CFAP210: variants seen among roughly 807,000 people sequenced by gnomAD.
CFAP210 encodes the protein cilia and flagella associated protein 210.
At chr2:169,664,815 G>A in the CFAP210 span, among the ~76,000 whole-genome samples, 6 of 152,162 alleles carry the variant, frequency 3.9e-5, no homozygotes, top group African/African-American at 1.4e-4. Flanking sequence ...TCAGCTCCTT[G>A]CTATCCTTGA....
chr2:169,684,648 C>CGTT, the CFAP210 span, among the ~76,000 whole-genome samples: 17,058 of 151,490 alleles, frequency 0.11, 1,145 homozygotes, highest in Middle Eastern at 0.2. Context: ...GATTCCTTTT[C>CGTT]GTTGTTGTTG....
At chr2:169,665,727 C>T in the CFAP210 span, among the ~76,000 whole-genome samples, 1 of 152,120 alleles carries the variant, frequency 6.6e-6, no homozygotes, top group African/African-American at 2.4e-5. Flanking sequence ...GGGCTTTGTG[C>T]AGTACTGATA....
At chr2:169,649,559 AG>A in the CFAP210 span, among the ~76,000 whole-genome samples, 4 of 152,212 alleles carry the variant, frequency 2.6e-5, no homozygotes, top group African/African-American at 7.2e-5. Flanking sequence ...CAAGTGCTAT[AG>A]GACAATCCTT....
At chr2:169,676,109 A>G in the CFAP210 span, among the ~76,000 whole-genome samples, 1 of 152,238 alleles carries the variant, frequency 6.6e-6, no homozygotes, top group African/African-American at 2.4e-5. Context: ...TTATCCCAGT[A>G]TCAGTTGTTG....
the CFAP210 span, chr2:169,649,375 T>A: frequency 6.3e-7 from 1 of 1,584,486 alleles, no homozygotes; most frequent in Non-Finnish European, 8.6e-7. Flanking sequence ...AGGAAACATA[T>A]AAAACCAGTT....
chr2:169,672,370 G>T, the CFAP210 span, among the ~76,000 whole-genome samples: 39 of 152,302 alleles, frequency 2.6e-4, no homozygotes, highest in Non-Finnish European at 3.1e-4. Flanking sequence ...GTGTGTATGT[G>T]TGAGTTTATT....
chr2:169,673,268 A>G, the CFAP210 span, among the ~76,000 whole-genome samples: 8 of 152,232 alleles, frequency 5.3e-5, no homozygotes, highest in East Asian at 1.5e-3. Flanking sequence ...GAGGATAGAC[A>G]GCCTGTGAAG....
At chr2:169,691,573 G>A in the CFAP210 span, among the ~76,000 whole-genome samples, 1 of 152,028 alleles carries the variant, frequency 6.6e-6, no homozygotes, top group Non-Finnish European at 1.5e-5. Context: ...AGCACAAAAT[G>A]GCCAGACTTC....
the CFAP210 span, among the ~76,000 whole-genome samples, chr2:169,656,387 A>AAGAGGAGGAGGATGAAGT: frequency 1.3e-5 from 2 of 149,526 alleles, no homozygotes; most frequent in South Asian, 2.1e-4. Context: ...AAAGAGGAGG[A>AAGAGGAGGAGGATGAAGT]AGAGGAGGAG....
the CFAP210 span, among the ~76,000 whole-genome samples, chr2:169,677,926 A>G: frequency 6.6e-6 from 1 of 152,244 alleles, no homozygotes; most frequent in Non-Finnish European, 1.5e-5. Context: ...TAACAATAGC[A>G]GATTGAAACT....
chr2:169,678,839 T>A, the CFAP210 span, among the ~76,000 whole-genome samples: 61,641 of 151,070 alleles, frequency 0.41, 12,818 homozygotes, highest in Non-Finnish European at 0.44. Flanking sequence ...AAAATAAAAA[T>A]AAAATAAAAA....
At chr2:169,693,602 C>G in the CFAP210 span, among the ~76,000 whole-genome samples, 1 of 152,200 alleles carries the variant, frequency 6.6e-6, no homozygotes, top group Admixed American at 6.5e-5. Flanking sequence ...AATTTACAGA[C>G]GTAAGAAACT....
At chr2:169,652,841 A>C in the CFAP210 span, among the ~76,000 whole-genome samples, 667 of 142,224 alleles carry the variant, frequency 4.7e-3, 8 homozygotes, top group African/African-American at 0.016. Flanking sequence ...TAAAAATTAC[A>C]AAAAAAAAAC....
the CFAP210 span, among the ~76,000 whole-genome samples, chr2:169,667,214 CTG>C: frequency 7.3e-4 from 111 of 151,222 alleles, no homozygotes; most frequent in Non-Finnish European, 1.2e-3. Flanking sequence ...TCTCGGCTCA[CTG>C]CAACCTCTGC....
At chr2:169,675,279 T>C in the CFAP210 span, among the ~76,000 whole-genome samples, 1 of 152,204 alleles carries the variant, frequency 6.6e-6, no homozygotes, top group African/African-American at 2.4e-5. Context: ...ACTTCTCCTT[T>C]TGTATTAATC....
chr2:169,660,937 G>A, the CFAP210 span: 5 of 463,732 alleles, frequency 1.1e-5, no homozygotes, highest in East Asian at 1.1e-4. Flanking sequence ...ACAACTCAAT[G>A]TTCTTCTATA....
the CFAP210 span, among the ~76,000 whole-genome samples, chr2:169,654,616 T>C: frequency 1.3e-5 from 2 of 152,174 alleles, no homozygotes; most frequent in Admixed American, 1.3e-4. Context: ...TTATAATGTA[T>C]AAATGACTGG....
chr2:169,667,135 C>CTTTTTTTTTTTTTTTTT, the CFAP210 span, among the ~76,000 whole-genome samples: 3 of 120,284 alleles, frequency 2.5e-5, 1 homozygote. Flanking sequence ...CACAAATTTT[C>CTTTTTTTTTTTTTTTTT]TTTTTTCTTT....
chr2:169,653,335 TAAGAG>T, the CFAP210 span, among the ~76,000 whole-genome samples: 1 of 151,154 alleles, frequency 6.6e-6, no homozygotes, highest in Non-Finnish European at 1.5e-5. Flanking sequence ...GAGGGAATAG[TAAGAG>T]AAGAGGTCTG....
Sources: gnomAD v4.1 joint callset for allele counts (sites outside exome capture counted in the v4.1 genomes callset) on GRCh38, gnomAD v4.1.1 for gene constraint, MANE v1.5 for transcripts, NCBI Gene and HGNC (gene_info 2026-07-23, HGNC 2026-07-21) for gene names.